Variants in LUC7L2 observed in about 807,000 individuals in gnomAD.
LUC7L2 encodes the protein LUC7 like 2, pre-mRNA splicing factor.
LUC7L2 carries 25 observed loss-of-function variants against 52.8 expected under a neutral mutation model. The ratio of observed to expected loss-of-function variants is 0.47; its 90% CI spans 0.34 to 0.66. LUC7L2 has a LOEUF of 0.66. LUC7L2 is among the 30% of genes least tolerant of loss of function. LUC7L2 has a pLI of 0.01. For synonymous variants in LUC7L2, 144 were observed against 160.9 expected, an observed-to-expected ratio of 0.89 and a Z score of 0.80; for missense variants, 328 against 497.8, an observed-to-expected ratio of 0.66 and a Z score of 3.25.
At chr7:139,340,741 A>G (rs1798899643) in intron 1 of LUC7L2, 3 of 379,380 alleles carry the variant, frequency 7.9e-6, no homozygotes, top group Non-Finnish European at 4.7e-6. Flanking sequence ...CTCCTAAGCC[A>G]GGGATTGTGG....
intron 6 of LUC7L2, 30 bp downstream of exon 6, chr7:139,407,380 C>A: frequency 6.3e-7 from 1 of 1,584,548 alleles, no homozygotes; most frequent in Non-Finnish European, 8.6e-7. Context: ...CTCACTTTAT[C>A]CTCTTGTTCT....
At chr7:139,393,351 A>G (rs1794526612) in intron 2 of LUC7L2, among the ~76,000 whole-genome samples, 1 of 151,958 alleles carries the variant, frequency 6.6e-6, no homozygotes, top group Non-Finnish European at 1.5e-5. Context: ...GGATTGCTTG[A>G]CCCTGGGAGG....
intron 2 of LUC7L2, among the ~76,000 whole-genome samples, chr7:139,393,180 T>C (rs1201795714): frequency 6.6e-6 from 1 of 151,920 alleles, no homozygotes; most frequent in Non-Finnish European, 1.5e-5. Context: ...GGCAGGAGAA[T>C]TGCTTGAACC....
intron 2 of LUC7L2, among the ~76,000 whole-genome samples, chr7:139,377,413 G>A (rs997649687): frequency 4.6e-5 from 7 of 151,040 alleles, no homozygotes; most frequent in African/African-American, 1.7e-4. Context: ...ATTTTGAGAC[G>A]GAGTCTTGCT....
At chr7:139,388,220 TAA>T (rs1372866249) in intron 2 of LUC7L2, among the ~76,000 whole-genome samples, 1 of 152,218 alleles carries the variant, frequency 6.6e-6, no homozygotes, top group Non-Finnish European at 1.5e-5. Flanking sequence ...CTTTGTGTGA[TAA>T]GACCTCTTGT....
At chr7:139,377,853 AAG>A (rs1209747857) in intron 2 of LUC7L2, among the ~76,000 whole-genome samples, 4 of 139,366 alleles carry the variant, frequency 2.9e-5, no homozygotes, top group Non-Finnish European at 4.7e-5. Context: ...TTTTTGAGAC[AAG>A]AGTCTTGCTC....
intron 7 of LUC7L2, among the ~76,000 whole-genome samples, chr7:139,410,808 A>C (rs1354682912): frequency 6.6e-6 from 1 of 152,184 alleles, no homozygotes; most frequent in Non-Finnish European, 1.5e-5. Flanking sequence ...TACTCAGTAT[A>C]TTTCAAGAAG....
At chr7:139,375,127 T>C in intron 1 of LUC7L2, 1 of 984,198 alleles carries the variant, frequency 1.0e-6, no homozygotes, top group Non-Finnish European at 1.2e-6. Flanking sequence ...GAGTTTTTTC[T>C]TTTGTTTTTC....
chr7:139,398,766 T>A (rs1208258583), intron 3 of LUC7L2, 69 bp downstream of exon 3: 2 of 1,438,570 alleles, frequency 1.4e-6, no homozygotes, highest in East Asian at 2.4e-5. Flanking sequence ...TGGATTAAGA[T>A]CTCTTAATAG....
At chr7:139,346,013 G>A (rs530186294) in intron 1 of LUC7L2, 7 of 183,544 alleles carry the variant, frequency 3.8e-5, no homozygotes, top group Admixed American at 5.9e-5. Context: ...CAAGGCAGGC[G>A]GATCACCTGA....
intron 1 of LUC7L2, chr7:139,375,165 AACTAACATCTATATTTT>A (rs1161409450): frequency 1.0e-6 from 1 of 983,074 alleles, no homozygotes; most frequent in African/African-American, 1.8e-5. Context: ...AAAAAATTTT[AACTAACATCTATATTTT>A]GTTATTGGAG....
chr7:139,364,951 C>T (rs560457458), intron 1 of LUC7L2, among the ~76,000 whole-genome samples: 2 of 152,250 alleles, frequency 1.3e-5, no homozygotes, highest in Admixed American at 6.5e-5. Context: ...GTGAAGGAGG[C>T]GGAGCCTTTA....
At chr7:139,414,456 C>T (rs780919177) in intron 8 of LUC7L2, among the ~76,000 whole-genome samples, 4 of 152,224 alleles carry the variant, frequency 2.6e-5, no homozygotes, top group Non-Finnish European at 2.9e-5. Flanking sequence ...GGGCAGCATG[C>T]GGCTTGGAGG....
At chr7:139,369,398 T>A (rs1404074739) in intron 1 of LUC7L2, among the ~76,000 whole-genome samples, 3 of 152,208 alleles carry the variant, frequency 2.0e-5, no homozygotes, top group Admixed American at 2.0e-4. Flanking sequence ...AGAAGAGGAA[T>A]AGGCTGATAG....
At chr7:139,377,825 CTTTT>C (rs11346680) in intron 2 of LUC7L2, among the ~76,000 whole-genome samples, 2 of 98,322 alleles carry the variant, frequency 2.0e-5, no homozygotes, top group South Asian at 3.3e-4. Context: ...CCGCGCCTGG[CTTTT>C]TTTTTTTTTT....
In LUC7L2 at chr7:139,360,144, G is replaced by C; in HGVS notation, c.-118G>C. ...CCGGCTCCCTTTCCGCACGCCTCGA[G>C]GCGGCGGCGGCCACCGAGACAGCAG... On this transcript the variant is annotated 5_prime_UTR_variant, in exon 1 of 10. Coordinates refer to ENST00000354926, the MANE Select transcript of LUC7L2 (RefSeq NM_016019.5). The C allele has an allele frequency of 1.5e-6, 1 of 657,024 alleles. No homozygotes were observed. The highest frequency in any genetic ancestry group is 3.2e-5 in the Admixed American group (1 of 31,378). The allele number at this position is 657,024 out of a possible 1,614,324, so 40.7% of individuals were successfully genotyped here.
intron 2 of LUC7L2, among the ~76,000 whole-genome samples, chr7:139,380,875 C>CG (rs1800980037): frequency 6.6e-6 from 1 of 151,830 alleles, no homozygotes; most frequent in Non-Finnish European, 1.5e-5. Context: ...TCCTAGTGAT[C>CG]GGGAAAAAAG....
intron 7 of LUC7L2, among the ~76,000 whole-genome samples, chr7:139,410,168 A>G (rs910153553): frequency 5.9e-5 from 9 of 152,008 alleles, no homozygotes; most frequent in African/African-American, 2.2e-4. Flanking sequence ...AGATCGGGCC[A>G]CTGCACTCCA....
chr7:139,416,583 G>C (rs1225013602), intron 8 of LUC7L2: 1 of 152,232 alleles, frequency 6.6e-6, no homozygotes, highest in African/African-American at 2.4e-5. Flanking sequence ...GCCCAGGCTG[G>C]AATGCAGTGG....
Sources: gnomAD v4.1 joint callset for allele counts (sites outside exome capture counted in the v4.1 genomes callset) on GRCh38, gnomAD v4.1.1 for gene constraint, MANE v1.5 for transcripts, NCBI Gene and HGNC (gene_info 2026-07-23, HGNC 2026-07-21) for gene names.